The following DMC1 variants were observed in gnomAD, a reference collection of about 807,000 sequenced individuals.
The protein encoded by DMC1 is DNA meiotic recombinase 1.
Under a neutral mutation model 50.1 loss-of-function variants are expected in DMC1, and 27 were observed. That is an observed-to-expected ratio of 0.54 (90% CI 0.40 to 0.74). DMC1 has a LOEUF of 0.74. Ranked by LOEUF, DMC1 falls within the 30% of genes least tolerant of loss-of-function variation. DMC1 has a pLI of 0.00. For synonymous variants in DMC1, 148 were observed against 136.1 expected (o/e 1.09, Z -0.61); for missense variants, 295 against 420.2 (o/e 0.70, Z 2.60).
intron 7 of DMC1, among the ~76,000 whole-genome samples, chr22:38,552,153 G>A (rs1569165849): frequency 6.6e-6 from 1 of 152,052 alleles, no homozygotes; most frequent in Admixed American, 6.6e-5. Context: ...GAGCCACCGG[G>A]CCCGGCCAGA....
At chr22:38,543,403 G>C (rs1290856633) in intron 8 of DMC1, among the ~76,000 whole-genome samples, 1 of 151,916 alleles carries the variant, frequency 6.6e-6, no homozygotes, top group Admixed American at 6.6e-5. Flanking sequence ...CTAATTTTTT[G>C]TATTTTTAGT....
intron 7 of DMC1, among the ~76,000 whole-genome samples, chr22:38,551,714 C>T (rs1438669341): frequency 1.3e-5 from 2 of 152,070 alleles, no homozygotes. Flanking sequence ...CTTTTCAAAA[C>T]AATCCTAACA....
chr22:38,547,347 T>C (rs2090353887), intron 8 of DMC1, among the ~76,000 whole-genome samples: 1 of 152,150 alleles, frequency 6.6e-6, no homozygotes, highest in Admixed American at 6.5e-5. Flanking sequence ...AAAGTATGTT[T>C]ACAGGCAATG....
intron 12 of DMC1, among the ~76,000 whole-genome samples, chr22:38,535,380 G>A (rs2090199467): frequency 6.6e-6 from 1 of 151,340 alleles, no homozygotes; most frequent in South Asian, 2.1e-4. Flanking sequence ...ATGTGTGTAT[G>A]TGTGGAGAAA....
intron 5 of DMC1, among the ~76,000 whole-genome samples, chr22:38,561,224 A>G (rs976234643): frequency 1.2e-4 from 18 of 150,308 alleles, no homozygotes; most frequent in African/African-American, 3.7e-4. Context: ...TGCCGTTAGG[A>G]TGATCTCAAG....
the DMC1 span, among the ~76,000 whole-genome samples, chr22:38,510,299 C>A: frequency 2.0e-5 from 3 of 151,910 alleles, no homozygotes; most frequent in Non-Finnish European, 2.9e-5. Flanking sequence ...ACTAAAAATA[C>A]AAAAAATTAG....
rs543672656 is a variant in DMC1 at position 38,520,227 on chromosome 22, C to T, written c.954-138G>A. 19 of 705,716 alleles carry T rather than the reference C, an allele frequency of 2.7e-5. 1 individual carries two copies. The highest frequency in any genetic ancestry group is 1.6e-4 in the African/African-American group (9 of 56,666). 43.7% of individuals were successfully genotyped at this position (705,716 alleles called of 1,614,324 possible). A position where few individuals can be genotyped will look rare whatever the true frequency, so the allele number is the denominator to read the frequency against. ...AGTTGGTACAACCAAATGTGGCCTA[C>T]AGAACTTACCCACAAGTATTATTAA... On this transcript the variant is annotated intron_variant, in intron 13 of 13. Transcript: ENST00000216024.
chr22:38,526,467 C>T (rs989143714), intron 12 of DMC1, among the ~76,000 whole-genome samples: 2 of 152,006 alleles, frequency 1.3e-5, no homozygotes, highest in African/African-American at 2.4e-5. Context: ...CTCAGCCTCC[C>T]AAAGTGCTGG....
At chr22:38,540,590 T>C (rs1457735516) in intron 8 of DMC1, among the ~76,000 whole-genome samples, 1 of 152,220 alleles carries the variant, frequency 6.6e-6, no homozygotes, top group East Asian at 1.9e-4. Context: ...GATCCCAGTA[T>C]AAGTAACTGT....
intron 12 of DMC1, among the ~76,000 whole-genome samples, chr22:38,534,395 A>G (rs1382260825): frequency 6.6e-6 from 1 of 152,152 alleles, no homozygotes; most frequent in Non-Finnish European, 1.5e-5. Flanking sequence ...AACTTCTCAA[A>G]TGGTTCACCA....
At chr22:38,544,184 T>C (rs2090317309) in intron 8 of DMC1, among the ~76,000 whole-genome samples, 1 of 152,212 alleles carries the variant, frequency 6.6e-6, no homozygotes, top group South Asian at 2.1e-4. Context: ...GCAAAATATC[T>C]GAAAAGACAT....
At chr22:38,542,747 G>C (rs2090298689) in intron 8 of DMC1, among the ~76,000 whole-genome samples, 1 of 152,150 alleles carries the variant, frequency 6.6e-6, no homozygotes. Flanking sequence ...AATAGCCAAA[G>C]CTATCTTGAG....
At chr22:38,530,123 C>T (rs188506583) in intron 12 of DMC1, among the ~76,000 whole-genome samples, 156 of 152,198 alleles carry the variant, frequency 1.0e-3, no homozygotes, top group African/African-American at 3.6e-3. Context: ...CCCCCCACCA[C>T]ACCTGGCTAA....
intron 6 of DMC1, 35 bp from the exon 7 acceptor site, chr22:38,552,742 C>T: frequency 2.2e-6 from 3 of 1,369,220 alleles, no homozygotes; most frequent in Non-Finnish European, 3.1e-6. Flanking sequence ...TTTAAAAATG[C>T]ATAATTTCCA....
In DMC1 at chr22:38,519,706, T is replaced by C; in HGVS notation, c.*314A>G. ...GTACTCCTTTCCCAACAACTAGTTT[T>C]CCATAGGTATATATACATACACAGA... On this transcript the variant is annotated 3_prime_UTR_variant, in exon 14 of 14. Transcript: ENST00000216024. 9.8e-6 allele frequency: 3 copies of C among 305,074 alleles called. No homozygotes were observed. The highest frequency in any genetic ancestry group is 9.5e-5 in the South Asian group (3 of 31,446). The allele number at this position is 305,074 out of a possible 1,614,324, so 18.9% of individuals were successfully genotyped here.
At chr22:38,521,456 C>A (rs1386941496) in intron 13 of DMC1, 152 bp downstream of exon 13, 7 of 596,192 alleles carry the variant, frequency 1.2e-5, no homozygotes, top group Non-Finnish European at 2.1e-5. Flanking sequence ...ATAGTCCCAG[C>A]ACTTTGGGAG....
intron 12 of DMC1, among the ~76,000 whole-genome samples, chr22:38,522,055 GAT>G (rs2090034904): frequency 6.6e-6 from 1 of 151,668 alleles, no homozygotes; most frequent in Non-Finnish European, 1.5e-5. Context: ...GGGTTCAAGC[GAT>G]TCTCCTGTCT....
chr22:38,537,507 C>G, intron 12 of DMC1, 85 bp downstream of exon 12: 4 of 1,322,076 alleles, frequency 3.0e-6, no homozygotes, highest in Non-Finnish European at 4.4e-6. Flanking sequence ...CCACCGTGCC[C>G]GGCCTTGAAA....
At chr22:38,538,737 T>C (rs1395563762) in intron 9 of DMC1, 125 bp from the exon 10 acceptor site, 14 of 866,842 alleles carry the variant, frequency 1.6e-5, no homozygotes, top group Non-Finnish European at 2.5e-5. Flanking sequence ...TTGATGACTT[T>C]ATTAAATATT....
Sources: gnomAD v4.1 joint callset for allele counts (sites outside exome capture counted in the v4.1 genomes callset) on GRCh38, gnomAD v4.1.1 for gene constraint, MANE v1.5 for transcripts, NCBI Gene and HGNC (gene_info 2026-07-23, HGNC 2026-07-21) for gene names.